Variants in SPIDR observed in about 807,000 individuals in gnomAD.
SPIDR encodes the protein DNA repair-scaffolding protein.
SPIDR carries 93 observed loss-of-function variants against 104.6 expected under a neutral mutation model. The ratio of observed to expected loss-of-function variants is 0.89; its 90% CI spans 0.75 to 1.06. The LOEUF is 1.06. Ranked by LOEUF, SPIDR falls within the 50% of genes least tolerant of loss-of-function variation. The pLI is 0.00. For missense variants in SPIDR, 1,154 were observed against 1,111.2 expected, an observed-to-expected ratio of 1.04 and a Z score of -0.55; for synonymous variants, 431 against 416.9, an observed-to-expected ratio of 1.03 and a Z score of -0.41.
intron 1 of SPIDR, among the ~76,000 whole-genome samples, chr8:47,265,037 C>A (rs782321142): frequency 1.4e-4 from 21 of 152,074 alleles, no homozygotes; most frequent in Non-Finnish European, 2.8e-4. Context: ...GGCTCATTTT[C>A]AAGTTTTTCA....
chr8:47,377,084 T>G (rs2058745899), intron 5 of SPIDR, among the ~76,000 whole-genome samples: 1 of 152,198 alleles, frequency 6.6e-6, no homozygotes, highest in Non-Finnish European at 1.5e-5. Context: ...TGACCCCTGT[T>G]CTGGATGGTG....
At chr8:47,289,674 G>A (rs1434471053) in intron 3 of SPIDR, among the ~76,000 whole-genome samples, 2 of 152,102 alleles carry the variant, frequency 1.3e-5, no homozygotes, top group African/African-American at 4.8e-5. Flanking sequence ...TAGTAAAATG[G>A]TACAGCCACT....
At chr8:47,341,772 A>G (rs2050804776) in intron 5 of SPIDR, among the ~76,000 whole-genome samples, 1 of 152,140 alleles carries the variant, frequency 6.6e-6, no homozygotes, top group African/African-American at 2.4e-5. Context: ...ATCCAGGAGC[A>G]TTTTTCAGAT....
At chr8:47,322,092 A>G (rs996387770) in intron 5 of SPIDR, among the ~76,000 whole-genome samples, 2 of 152,238 alleles carry the variant, frequency 1.3e-5, no homozygotes, top group Non-Finnish European at 2.9e-5. Context: ...AAAATTGACA[A>G]CTAGGATCTA....
chr8:47,735,011 C>T (rs982753377), intron 19 of SPIDR, among the ~76,000 whole-genome samples: 2 of 152,166 alleles, frequency 1.3e-5, no homozygotes, highest in African/African-American at 4.8e-5. Flanking sequence ...CCAGCAGAGT[C>T]TGTGTGCATC....
intron 5 of SPIDR, among the ~76,000 whole-genome samples, chr8:47,392,096 G>A (rs962034915): frequency 2.0e-5 from 3 of 151,390 alleles, no homozygotes; most frequent in East Asian, 1.9e-4. Flanking sequence ...AAAACCAAAC[G>A]ACATGTAAAC....
intron 16 of SPIDR, among the ~76,000 whole-genome samples, chr8:47,714,218 C>T (rs2082261255): frequency 6.6e-6 from 1 of 151,902 alleles, no homozygotes; most frequent in Admixed American, 6.6e-5. Context: ...GACTGGGTGG[C>T]AGAGGTAGAG....
chr8:47,538,406 T>C (rs957757523), intron 8 of SPIDR, among the ~76,000 whole-genome samples: 3 of 151,754 alleles, frequency 2.0e-5, no homozygotes, highest in African/African-American at 7.3e-5. Context: ...AGCTAGGGTG[T>C]GGTGGTAGGT....
At chr8:47,656,679 G>A (rs1279926812) in intron 10 of SPIDR, among the ~76,000 whole-genome samples, 1 of 152,090 alleles carries the variant, frequency 6.6e-6, no homozygotes, top group African/African-American at 2.4e-5. Context: ...CTTGAGAATT[G>A]AAAACGTATA....
chr8:47,449,709 T>G (rs1261237965), intron 8 of SPIDR, among the ~76,000 whole-genome samples: 1 of 152,284 alleles, frequency 6.6e-6, no homozygotes, highest in East Asian at 1.9e-4. Context: ...ATATAGACTA[T>G]GAGGATAATC....
chr8:47,720,389 CT>C (rs2083228240), intron 16 of SPIDR, among the ~76,000 whole-genome samples: 1 of 152,198 alleles, frequency 6.6e-6, no homozygotes, highest in Non-Finnish European at 1.5e-5. Context: ...TTCGAAGTAA[CT>C]GCTAAGCCGT....
At chr8:47,572,418 C>G (rs1454894179) in intron 8 of SPIDR, among the ~76,000 whole-genome samples, 1 of 152,108 alleles carries the variant, frequency 6.6e-6, no homozygotes, top group Non-Finnish European at 1.5e-5. Context: ...AATCCCAGCA[C>G]TTCGGGAGTT....
intron 10 of SPIDR, chr8:47,659,775 C>T (rs763156499): frequency 3.1e-6 from 3 of 956,390 alleles, no homozygotes; most frequent in African/African-American, 3.5e-5. Context: ...GGTTTTTTTC[C>T]TTGGGTTGAA....
chr8:47,563,072 T>G, intron 8 of SPIDR, among the ~76,000 whole-genome samples: 1 of 140,762 alleles, frequency 7.1e-6, no homozygotes, highest in East Asian at 2.1e-4. Flanking sequence ...AGGAAAGAAA[T>G]AAGGTAGTCT....
intron 11 of SPIDR, among the ~76,000 whole-genome samples, chr8:47,698,944 T>G (rs1484605166): frequency 6.6e-6 from 1 of 152,208 alleles, no homozygotes; most frequent in African/African-American, 2.4e-5. Context: ...GCAGAACACT[T>G]TTTGGGAAAC....
chr8:47,307,405 G>GA (rs1167539435), intron 5 of SPIDR, among the ~76,000 whole-genome samples: 7 of 151,472 alleles, frequency 4.6e-5, no homozygotes, highest in Admixed American at 6.6e-5. Context: ...GTTTAGTAGA[G>GA]ATGGGGTTCC....
At chr8:47,463,266 C>G (rs1289013136) in intron 8 of SPIDR, among the ~76,000 whole-genome samples, 1 of 151,326 alleles carries the variant, frequency 6.6e-6, no homozygotes, top group African/African-American at 2.4e-5. Flanking sequence ...GAGGCTGAGG[C>G]AGGAGAATGC....
intron 5 of SPIDR, among the ~76,000 whole-genome samples, chr8:47,312,352 C>G (rs1164331927): frequency 1.3e-5 from 2 of 152,274 alleles, no homozygotes; most frequent in Admixed American, 1.3e-4. Context: ...TAAAAGTGTT[C>G]CTGTTTCTCC....
At chr8:47,497,896 C>T (rs1312065543) in intron 8 of SPIDR, among the ~76,000 whole-genome samples, 1 of 152,124 alleles carries the variant, frequency 6.6e-6, no homozygotes, top group Non-Finnish European at 1.5e-5. Context: ...GCAGAGTCTT[C>T]ATGTGGAGAG....
Sources: allele counts gnomAD v4.1 joint callset (sites outside exome capture counted in the v4.1 genomes callset), GRCh38; gene constraint gnomAD v4.1.1; transcripts MANE v1.5; gene names NCBI Gene and HGNC (gene_info 2026-07-23, HGNC 2026-07-21).